The following CSMD1 variants were observed in gnomAD, a reference collection of about 807,000 sequenced individuals.
CSMD1 encodes CUB and sushi domain-containing protein 1.
CSMD1 carries 213 observed loss-of-function variants against 417.5 expected under a neutral mutation model. That is an observed-to-expected ratio of 0.51 (90% CI 0.46 to 0.57). The LOEUF (loss-of-function observed/expected upper bound fraction) is 0.57. CSMD1 is among the 20% of genes least tolerant of loss of function. The probability of loss-of-function intolerance (pLI) is 0.00; values close to 1 mark genes in which losing one functional copy is unlikely to be tolerated. For missense variants in CSMD1, 6,923 were observed against 4,529.7 expected (o/e 1.53, Z -15.17); for synonymous variants, 2,862 against 1,736.8 (o/e 1.65, Z -16.11).
intron 2 of CSMD1, among the ~76,000 whole-genome samples, chr8:4,545,032 C>T (rs376115371): frequency 1.3e-5 from 2 of 152,324 alleles, no homozygotes; most frequent in East Asian, 3.9e-4. Flanking sequence ...TGAATGCATG[C>T]ACCCATTTAA....
At chr8:3,691,150 T>C (rs950594762) in intron 7 of CSMD1, among the ~76,000 whole-genome samples, 4 of 152,070 alleles carry the variant, frequency 2.6e-5, no homozygotes, top group African/African-American at 7.2e-5. Flanking sequence ...GCGGATCACC[T>C]GAGGTCAGGA....
At chr8:3,753,521 C>A in intron 6 of CSMD1, among the ~76,000 whole-genome samples, 1 of 152,122 alleles carries the variant, frequency 6.6e-6, no homozygotes, top group Non-Finnish European at 1.5e-5. Context: ...GTGTGAAGAC[C>A]TTTTAGGATT....
intron 3 of CSMD1, among the ~76,000 whole-genome samples, chr8:4,290,316 G>A (rs1004439018): frequency 2.0e-5 from 3 of 152,048 alleles, no homozygotes; most frequent in Non-Finnish European, 2.9e-5. Flanking sequence ...ATTTCAGATG[G>A]TCGTGTTTGA....
intron 7 of CSMD1, chr8:3,702,019 T>A (rs547559237): frequency 6.6e-6 from 1 of 152,024 alleles, no homozygotes; most frequent in Non-Finnish European, 1.5e-5. Context: ...GATTGCCCAA[T>A]ACAAACAAAG....
intron 2 of CSMD1, among the ~76,000 whole-genome samples, chr8:4,463,387 A>C (rs564716552): frequency 5.9e-5 from 9 of 152,340 alleles, no homozygotes; most frequent in African/African-American, 2.2e-4. Context: ...GTTCGACATA[A>C]CATTGCCATA....
chr8:4,655,338 C>T (rs911616472), intron 1 of CSMD1, among the ~76,000 whole-genome samples: 17 of 151,990 alleles, frequency 1.1e-4, no homozygotes, highest in Non-Finnish European at 2.4e-4. Flanking sequence ...TGGTTGCAAT[C>T]GACCTGCTGA....
intron 26 of CSMD1, among the ~76,000 whole-genome samples, chr8:3,251,919 C>T (rs947539508): frequency 3.3e-5 from 5 of 152,040 alleles, no homozygotes; most frequent in Admixed American, 1.3e-4. Flanking sequence ...GATTTTGTAT[C>T]CTGAGACTTT....
chr8:4,155,619 T>G (rs1159787096), intron 3 of CSMD1, among the ~76,000 whole-genome samples: 3 of 152,194 alleles, frequency 2.0e-5, no homozygotes, highest in Non-Finnish European at 2.9e-5. Context: ...GGTTTGATTT[T>G]TTATCACTCT....
At chr8:4,183,591 C>A (rs969394068) in intron 3 of CSMD1, among the ~76,000 whole-genome samples, 3 of 152,042 alleles carry the variant, frequency 2.0e-5, no homozygotes, top group Non-Finnish European at 4.4e-5. Flanking sequence ...AGTAAAAATT[C>A]ATAATTTTGA....
At chr8:3,293,423 T>G (rs914328124) in intron 25 of CSMD1, among the ~76,000 whole-genome samples, 1 of 152,234 alleles carries the variant, frequency 6.6e-6, no homozygotes, top group Non-Finnish European at 1.5e-5. Flanking sequence ...CAGAGTGTTT[T>G]CCAACTTGGT....
chr8:4,899,663 C>G (rs138661960), intron 1 of CSMD1, among the ~76,000 whole-genome samples: 1 of 152,200 alleles, frequency 6.6e-6, no homozygotes, highest in East Asian at 1.9e-4. Context: ...TATAAGATGA[C>G]CATGTCTTGA....
intron 5 of CSMD1, among the ~76,000 whole-genome samples, chr8:3,962,956 A>G (rs567439722): frequency 1.3e-5 from 2 of 152,164 alleles, no homozygotes; most frequent in East Asian, 3.9e-4. Context: ...TTTGTTTTTT[A>G]GATGGACTCT....
intron 10 of CSMD1, among the ~76,000 whole-genome samples, chr8:3,505,431 T>C (rs569515581): frequency 6.6e-6 from 1 of 152,282 alleles, no homozygotes; most frequent in South Asian, 2.1e-4. Context: ...AATCAATAAT[T>C]AGAAAAATAA....
At chr8:4,582,071 CTT>C (rs143519322) in intron 2 of CSMD1, among the ~76,000 whole-genome samples, 2 of 148,292 alleles carry the variant, frequency 1.3e-5, no homozygotes, top group Non-Finnish European at 1.5e-5. Context: ...TTCCGAGCCT[CTT>C]TTTTTTTTTT....
chr8:3,473,541 T>G (rs894754771), intron 11 of CSMD1, among the ~76,000 whole-genome samples: 3 of 152,200 alleles, frequency 2.0e-5, no homozygotes, highest in Non-Finnish European at 2.9e-5. Context: ...TATTATTTCT[T>G]TAAAACAAAG....
intron 21 of CSMD1, among the ~76,000 whole-genome samples, chr8:3,350,512 T>A (rs1585038237): frequency 6.6e-6 from 1 of 152,104 alleles, no homozygotes; most frequent in Admixed American, 6.5e-5. Flanking sequence ...ATAGCACTTT[T>A]AAAAAATATC....
chr8:3,847,877 C>A (rs796638102), intron 5 of CSMD1, among the ~76,000 whole-genome samples: 1 of 152,176 alleles, frequency 6.6e-6, no homozygotes, highest in Non-Finnish European at 1.5e-5. Context: ...TATAGCTAGT[C>A]TGACTTTTCA....
chr8:3,482,360 G>T (rs1261417181), intron 11 of CSMD1, among the ~76,000 whole-genome samples: 1 of 152,040 alleles, frequency 6.6e-6, no homozygotes, highest in East Asian at 1.9e-4. Context: ...ATAATAAAAA[G>T]CAGGAGTGCC....
chr8:3,678,596 A>C (rs147317266), intron 7 of CSMD1, among the ~76,000 whole-genome samples: 1 of 152,066 alleles, frequency 6.6e-6, no homozygotes, highest in African/African-American at 2.4e-5. Context: ...GAATGGAAAC[A>C]AGTTGGAAAA....
Sources: gnomAD v4.1 joint callset for allele counts (sites outside exome capture counted in the v4.1 genomes callset) on GRCh38, gnomAD v4.1.1 for gene constraint, MANE v1.5 for transcripts, NCBI Gene and HGNC (gene_info 2026-07-23, HGNC 2026-07-21) for gene names.